Variants in RBMS3 observed in about 807,000 individuals in gnomAD.
RBMS3 encodes the protein RNA binding motif single stranded interacting protein 3.
A neutral mutation model predicts 66.8 loss-of-function variants in RBMS3; 27 were observed. That is an observed-to-expected ratio of 0.40 (90% CI 0.30 to 0.56). The LOEUF (loss-of-function observed/expected upper bound fraction) is 0.56, where lower values mean the gene tolerates loss of function less well. Ranked by LOEUF, RBMS3 falls within the 20% of genes least tolerant of loss-of-function variation. The pLI is 0.40. For synonymous variants in RBMS3, 188 were observed against 183.0 expected (o/e 1.03, Z -0.22); for missense variants, 513 against 549.5 (o/e 0.93, Z 0.66).
chr3:29,939,806 A>G (rs2061347694), intron 11 of RBMS3, among the ~76,000 whole-genome samples: 2 of 151,798 alleles, frequency 1.3e-5, no homozygotes, highest in Non-Finnish European at 2.9e-5. Flanking sequence ...CCTAAATCTC[A>G]GTCCCCAATA....
At chr3:29,441,963 A>C (rs2125740182) in intron 2 of RBMS3, among the ~76,000 whole-genome samples, 1 of 152,248 alleles carries the variant, frequency 6.6e-6, no homozygotes, top group African/African-American at 2.4e-5. Flanking sequence ...TTTGGGGATG[A>C]ATTTGATTTT....
chr3:29,758,301 T>A (rs1186843699), intron 5 of RBMS3, among the ~76,000 whole-genome samples: 1 of 152,212 alleles, frequency 6.6e-6, no homozygotes, highest in Non-Finnish European at 1.5e-5. Flanking sequence ...ATAGTCTCAA[T>A]TCAAAGTCAT....
At chr3:29,992,805 T>C (rs192751569) in intron 14 of RBMS3, among the ~76,000 whole-genome samples, 4 of 112,634 alleles carry the variant, frequency 3.6e-5, no homozygotes, top group African/African-American at 1.1e-4. Context: ...ATGTAGGGGA[T>C]GAGAAAATTG....
chr3:29,831,930 G>A lies in RBMS3; in HGVS notation c.638-36928G>A, dbSNP rs547298207. ...AGATACAGTTTTTATATAAGATAAA[G>A]GTTATCTCAAATCAGCTTTGGTGTG... is the stretch of plus-strand genomic sequence containing the variant. On this transcript the variant is annotated intron_variant, in intron 6 of 14. Coordinates refer to ENST00000383767, the MANE Select transcript of RBMS3 (RefSeq NM_001003793.3). Among the ~76,000 whole-genome samples, 3 of 152,144 alleles carry A rather than the reference G, an allele frequency of 2.0e-5. No homozygotes were observed. In the South Asian group the frequency reaches 6.2e-4, roughly 32 times the overall value.
At chr3:29,539,093 C>T (rs1305492371) in intron 3 of RBMS3, among the ~76,000 whole-genome samples, 2 of 152,070 alleles carry the variant, frequency 1.3e-5, no homozygotes, top group South Asian at 2.1e-4. Context: ...GAAGTCTGGG[C>T]TTCTGACTCA....
chr3:29,674,743 A>G (rs1321241351), intron 4 of RBMS3, among the ~76,000 whole-genome samples: 1 of 150,798 alleles, frequency 6.6e-6, no homozygotes, highest in Non-Finnish European at 1.5e-5. Context: ...GCTCCAAAAA[A>G]AAAAAAAAAA....
At chr3:29,728,365 A>C (rs1419727238) in intron 4 of RBMS3, among the ~76,000 whole-genome samples, 1 of 152,336 alleles carries the variant, frequency 6.6e-6, no homozygotes, top group East Asian at 1.9e-4. Flanking sequence ...CCAGAACTTA[A>C]AATAACATCT....
At chr3:29,781,554 G>C (rs561159135) in intron 6 of RBMS3, among the ~76,000 whole-genome samples, 1 of 152,204 alleles carries the variant, frequency 6.6e-6, no homozygotes, top group South Asian at 2.1e-4. Flanking sequence ...ATCAGGGTTA[G>C]CTCCTGAATA....
In RBMS3 at chr3:29,899,729, C is replaced by T. The variant is rs774394014; in HGVS notation, c.913C>T (p.His305Tyr). Residue 305 changes from histidine to tyrosine, a missense_variant, in exon 10 of 15, where the codon CAT (histidine) becomes TAT (tyrosine). Physicochemically the swap from His to Tyr is moderately conservative, Grantham distance 83 (BLOSUM62 2). Transcript: ENST00000383767. ...GGTCCAGAGTACTTCATGGATGCCT[C>T]ATCCGCCATACGTTATGCAACCAAC... ...YQVQSTSWMP[H>Y]PPYVMQPTGA... The T allele has an allele frequency of 1.2e-6, 2 of 1,610,006 alleles. No homozygotes were observed. The highest frequency in any genetic ancestry group is 1.7e-6 in the Non-Finnish European group (2 of 1,177,932).
intron 1 of RBMS3, among the ~76,000 whole-genome samples, chr3:29,419,574 C>T (rs1463704867): frequency 6.6e-6 from 1 of 151,956 alleles, no homozygotes; most frequent in Non-Finnish European, 1.5e-5. Context: ...GGAAGTTGAC[C>T]TATAGATAAA....
intron 10 of RBMS3, among the ~76,000 whole-genome samples, chr3:29,909,387 A>G (rs2060463696): frequency 6.6e-6 from 1 of 152,158 alleles, no homozygotes; most frequent in Non-Finnish European, 1.5e-5. Flanking sequence ...TAAATAGAAA[A>G]AAATAAATTC....
At chr3:29,981,044 T>G (rs1040095773) in intron 12 of RBMS3, among the ~76,000 whole-genome samples, 1 of 152,248 alleles carries the variant, frequency 6.6e-6, no homozygotes, top group Non-Finnish European at 1.5e-5. Context: ...TTCATGATAT[T>G]GATTCTTCCT....
chr3:29,358,238 G>A (rs1373728711), intron 1 of RBMS3, among the ~76,000 whole-genome samples: 2 of 152,138 alleles, frequency 1.3e-5, no homozygotes, highest in Admixed American at 6.5e-5. Flanking sequence ...TGTAAGGAAG[G>A]GATCCAGTTT....
chr3:29,612,880 C>A (rs1259232442), intron 4 of RBMS3, among the ~76,000 whole-genome samples: 4 of 152,042 alleles, frequency 2.6e-5, no homozygotes, highest in Non-Finnish European at 5.9e-5. Context: ...ATTTTCACAA[C>A]CTTAATATGC....
At chr3:29,671,601 GT>G (rs1285196354) in intron 4 of RBMS3, among the ~76,000 whole-genome samples, 2 of 152,206 alleles carry the variant, frequency 1.3e-5, no homozygotes, top group Non-Finnish European at 2.9e-5. Context: ...ACCTGACAGA[GT>G]TGAAAACCAT....
intron 1 of RBMS3, among the ~76,000 whole-genome samples, chr3:29,346,754 T>G (rs994128989): frequency 2.0e-5 from 3 of 152,104 alleles, no homozygotes; most frequent in African/African-American, 7.2e-5. Flanking sequence ...GTTTTAGAGA[T>G]TATTAATGAG....
chr3:29,370,462 A>G (rs2038142606), intron 1 of RBMS3, among the ~76,000 whole-genome samples: 1 of 152,066 alleles, frequency 6.6e-6, no homozygotes, highest in Non-Finnish European at 1.5e-5. Context: ...TTCTTTTTAG[A>G]CTCAACTATG....
At chr3:29,678,238 TAAG>T (rs1299776559) in intron 4 of RBMS3, among the ~76,000 whole-genome samples, 4 of 152,170 alleles carry the variant, frequency 2.6e-5, no homozygotes, top group South Asian at 2.1e-4. Flanking sequence ...TGGTGGGAGA[TAAG>T]AAGAGAAGGG....
At chr3:29,353,685 C>T (rs1197951496) in intron 1 of RBMS3, among the ~76,000 whole-genome samples, 2 of 152,088 alleles carry the variant, frequency 1.3e-5, no homozygotes, top group African/African-American at 4.8e-5. Flanking sequence ...ATACTCACAA[C>T]TTAAGCAACC....
Sources: gnomAD v4.1 joint callset for allele counts (sites outside exome capture counted in the v4.1 genomes callset) on GRCh38, gnomAD v4.1.1 for gene constraint, MANE v1.5 for transcripts, NCBI Gene and HGNC (gene_info 2026-07-23, HGNC 2026-07-21) for gene names.